The following NSMCE2 variants were observed in gnomAD, a reference collection of about 807,000 sequenced individuals.
NSMCE2 encodes the protein NSE2 SUMO ligase component of SMC5/6 complex, also known as E3 SUMO-protein ligase NSE2.
A neutral mutation model predicts 23.8 loss-of-function variants in NSMCE2; 24 were observed. The ratio of observed to expected loss-of-function variants is 1.01; its 90% CI spans 0.73 to 1.42. NSMCE2 has a LOEUF of 1.42. Ranked by LOEUF, NSMCE2 falls within the 40% of genes most tolerant of loss-of-function variation. NSMCE2 has a pLI of 0.00. For synonymous variants in NSMCE2, 92 were observed against 94.1 expected (o/e 0.98, Z 0.13); for missense variants, 284 against 296.5 (o/e 0.96, Z 0.31).
intron 3 of NSMCE2, chr8:125,124,218 G>A (rs1311313630): frequency 6.6e-6 from 1 of 152,102 alleles, no homozygotes; most frequent in Non-Finnish European, 1.5e-5. Context: ...GCATGTATCA[G>A]TAAGTACTTT....
intron 5 of NSMCE2, among the ~76,000 whole-genome samples, chr8:125,326,635 A>G (rs1022227938): frequency 6.7e-6 from 1 of 148,292 alleles, no homozygotes; most frequent in Non-Finnish European, 1.5e-5. Flanking sequence ...TTCTTTTATA[A>G]GTTTAAAAAA....
chr8:125,210,028 A>G (rs985655910), intron 5 of NSMCE2, among the ~76,000 whole-genome samples: 3 of 152,232 alleles, frequency 2.0e-5, no homozygotes, highest in African/African-American at 7.2e-5. Flanking sequence ...TCTACAGAAT[A>G]GTCACAGTTC....
chr8:125,211,204 G>C, intron 5 of NSMCE2, among the ~76,000 whole-genome samples: 1 of 152,052 alleles, frequency 6.6e-6, no homozygotes, highest in East Asian at 1.9e-4. Context: ...TTTATTAGGT[G>C]ATACATGCAC....
At chr8:125,243,161 G>C (rs1029397098) in intron 5 of NSMCE2, among the ~76,000 whole-genome samples, 1 of 152,136 alleles carries the variant, frequency 6.6e-6, no homozygotes, top group Non-Finnish European at 1.5e-5. Context: ...GGGGAGACAG[G>C]CAATCAAATA....
chr8:125,216,442 C>T (rs1041151525), intron 5 of NSMCE2, among the ~76,000 whole-genome samples: 29 of 152,110 alleles, frequency 1.9e-4, no homozygotes, highest in Non-Finnish European at 4.0e-4. Flanking sequence ...GAGTTCAAGA[C>T]CAGCCTGACC....
In NSMCE2 at chr8:125,303,131, T is replaced by G. The variant is rs186435598; in HGVS notation, c.419-54088T>G. On this transcript the variant is annotated intron_variant, in intron 5 of 7. Coordinates refer to ENST00000287437, the MANE Select transcript of NSMCE2 (RefSeq NM_173685.4). ...AGGCCAAAATACCAAAGGTTCAGTT[T>G]CCTGTTACTGACCACAGTAGACCAG... Among the ~76,000 whole-genome samples the G allele has an allele frequency of 4.6e-5, 7 of 152,278 alleles. No individual in the cohort carries two copies. The East Asian group carries it at 1.4e-3, about 29-fold the overall frequency.
intron 5 of NSMCE2, among the ~76,000 whole-genome samples, chr8:125,215,558 G>A (rs377281203): frequency 8.5e-5 from 13 of 152,126 alleles, no homozygotes; most frequent in East Asian, 3.9e-4. Flanking sequence ...TATATACCCA[G>A]TAATGGGATG....
At chr8:125,108,782 T>A (rs1818591590) in intron 3 of NSMCE2, among the ~76,000 whole-genome samples, 1 of 152,244 alleles carries the variant, frequency 6.6e-6, no homozygotes, top group Non-Finnish European at 1.5e-5. Context: ...TCAGATATGT[T>A]GCCAAAACTA....
At chr8:125,313,710 T>C (rs553704381) in intron 5 of NSMCE2, among the ~76,000 whole-genome samples, 108 of 152,338 alleles carry the variant, frequency 7.1e-4, no homozygotes, top group African/African-American at 2.5e-3. Flanking sequence ...AGTTTCCTTG[T>C]TCCCCATACT....
chr8:125,145,732 A>C (rs547704536), intron 3 of NSMCE2, among the ~76,000 whole-genome samples: 6 of 152,298 alleles, frequency 3.9e-5, no homozygotes, highest in Admixed American at 1.3e-4. Context: ...GTAATTCTGC[A>C]ACATGAAGCC....
At chr8:125,223,327 C>T (rs1421863422) in intron 5 of NSMCE2, among the ~76,000 whole-genome samples, 1 of 152,150 alleles carries the variant, frequency 6.6e-6, no homozygotes, top group African/African-American at 2.4e-5. Flanking sequence ...CACTGCACTC[C>T]AGCCTGGGCA....
intron 3 of NSMCE2, among the ~76,000 whole-genome samples, chr8:125,112,988 A>G (rs927277627): frequency 6.6e-6 from 1 of 150,888 alleles, no homozygotes; most frequent in African/African-American, 2.4e-5. Context: ...AACAAAATGT[A>G]TACCATAAAT....
At chr8:125,141,010 C>T (rs13277490) in intron 3 of NSMCE2, among the ~76,000 whole-genome samples, 10,051 of 152,188 alleles carry the variant, frequency 0.066, 429 homozygotes, top group South Asian at 0.15. Context: ...AGGGGGTCTG[C>T]GGATATGCTT....
intron 5 of NSMCE2, among the ~76,000 whole-genome samples, chr8:125,232,587 A>G (rs1563733660): frequency 6.6e-6 from 1 of 152,106 alleles, no homozygotes; most frequent in African/African-American, 2.4e-5. Flanking sequence ...AAAATTAGGT[A>G]AGAAGGAAAT....
intron 5 of NSMCE2, among the ~76,000 whole-genome samples, chr8:125,296,487 C>T (rs1466572021): frequency 6.6e-6 from 1 of 151,430 alleles, no homozygotes; most frequent in East Asian, 1.9e-4. Flanking sequence ...CTCCAACTCC[C>T]AGGTTCAAGT....
intron 5 of NSMCE2, among the ~76,000 whole-genome samples, chr8:125,320,135 C>T (rs1427602697): frequency 6.7e-6 from 1 of 149,730 alleles, no homozygotes; most frequent in Non-Finnish European, 1.5e-5. Flanking sequence ...GAGATCACAC[C>T]ACCACACTCC....
At chr8:125,122,171 CCAAAAAAA>C (rs1819297590) in intron 3 of NSMCE2, among the ~76,000 whole-genome samples, 1 of 86,418 alleles carries the variant, frequency 1.2e-5, no homozygotes, top group Non-Finnish European at 2.4e-5. Context: ...TCTGGCTGAG[CCAAAAAAA>C]AAAAAAAAAA....
At chr8:125,285,934 T>A (rs531230652) in intron 5 of NSMCE2, among the ~76,000 whole-genome samples, 1 of 151,998 alleles carries the variant, frequency 6.6e-6, no homozygotes, top group South Asian at 2.1e-4. Flanking sequence ...TGAATTCAGG[T>A]TTGACCTGAC....
chr8:125,153,885 A>G (rs1250677158), intron 4 of NSMCE2, among the ~76,000 whole-genome samples: 2 of 152,104 alleles, frequency 1.3e-5, no homozygotes, highest in Non-Finnish European at 2.9e-5. Context: ...AAAAGCAAGT[A>G]TTTTGTTTTG....
Sources: gnomAD v4.1 joint callset for allele counts (sites outside exome capture counted in the v4.1 genomes callset) on GRCh38, gnomAD v4.1.1 for gene constraint, MANE v1.5 for transcripts, NCBI Gene and HGNC (gene_info 2026-07-23, HGNC 2026-07-21) for gene names.